Variants in SIX1 observed in about 807,000 individuals in gnomAD.
SIX1 encodes homeobox protein SIX1.
In SIX1, 11 loss-of-function variants were observed where a neutral mutation model predicts 26.5. The ratio of observed to expected loss-of-function variants is 0.41; its 90% CI spans 0.26 to 0.69. The LOEUF (loss-of-function observed/expected upper bound fraction) is 0.69. SIX1 is among the 30% of genes least tolerant of loss of function. The pLI is 0.28. For missense variants in SIX1, 333 were observed against 365.9 expected, an observed-to-expected ratio of 0.91 and a Z score of 0.73; for synonymous variants, 177 against 166.2, an observed-to-expected ratio of 1.06 and a Z score of -0.50.
Position 60,648,795 on chromosome 14 carries a change from T to C in SIX1, c.395A>G (p.Lys132Arg). 7 of 1,614,212 alleles carry C rather than the reference T, an allele frequency of 4.3e-6. No individual in the cohort carries two copies. The highest frequency in any genetic ancestry group is 5.9e-6 in the Non-Finnish European group (7 of 1,180,034). ...WDGEETSYCF[K>R]EKSRGVLREW... The stretch of plus-strand genomic sequence containing the variant: ...CCGCAGGACACCCCTCGACTTCTCC[T>C]TGAAGCAGTAGCTGGTCTCCTCGCC... Residue 132 changes from lysine to arginine, a missense_variant, in exon 1 of 2, where the codon AAG (lysine) becomes AGG (arginine). Transcript: ENST00000645694. The surrounding 1 kb of genome is among the most constrained non-coding windows in gnomAD (Gnocchi z 7.9).
Position 60,644,525 on chromosome 14 carries a change from G to A in SIX1, c.*1758C>T, listed in dbSNP as rs1894908116. The stretch of plus-strand genomic sequence containing the variant: ...AAAAATAAGGCCTTGATTTCCCCAA[G>A]CACACCTCAGTTTTCTAGACCAGAA... On this transcript the variant is annotated 3_prime_UTR_variant, in exon 2 of 2. Transcript: ENST00000645694. 2 of 152,086 alleles carry A rather than the reference G, an allele frequency of 1.3e-5. No individual in the cohort carries two copies. Among genetic ancestry groups the A allele is most frequent in the Admixed American group, 1.3e-4 (2 of 15,272 alleles). 9.4% of individuals were successfully genotyped at this position (152,086 alleles called of 1,614,324 possible).
chr14:60,649,106 C>T lies in SIX1; in HGVS notation c.84G>A (p.Glu28=). ...CEVLQQGGNL[E]RLGRFLWSLP... ...GTGACCACAGGAACCTGCCCAGGCG[C>T]TCCAGGTTTCCGCCTTGCTGCAGAA... Residue 28 remains glutamate, a synonymous_variant, in exon 1 of 2, where the codon GAG becomes GAA. Transcript: ENST00000645694. The surrounding 1 kb of genome is among the most constrained non-coding windows in gnomAD (Gnocchi z 5.1). 6.2e-7 allele frequency: 1 copy of T among 1,613,314 alleles called. No individual in the cohort carries two copies. Among genetic ancestry groups the T allele is most frequent in the Non-Finnish European group, 8.5e-7 (1 of 1,179,710 alleles).
chr14:60,648,538 C>T lies in SIX1; in HGVS notation c.560+92G>A. 1 of 1,335,330 alleles carries T rather than the reference C, an allele frequency of 7.5e-7. No individual in the cohort carries two copies. Among genetic ancestry groups the T allele is most frequent in the Non-Finnish European group, 1.0e-6 (1 of 962,506 alleles). The allele number at this position is 1,335,330 out of a possible 1,614,324, so 82.7% of individuals were successfully genotyped here. The stretch of plus-strand genomic sequence containing the variant: ...GACGGGCTCCGGCCGGCGGGGAGGA[C>T]TTGGTGGCTGGTGCCTGCGGGGGCG... On this transcript the variant is annotated intron_variant, in intron 1 of 1. Coordinates refer to ENST00000645694, the MANE Select transcript of SIX1 (RefSeq NM_005982.4). This position sits in a 1 kb window ranked among gnomAD's most constrained non-coding sequence, Gnocchi z 7.9.
rs1425419879 is a variant in SIX1, at chr14:60,648,037, C to T, written c.560+593G>A. ...TTGGGGCGCCGGGGAGTAAATGCAG[C>T]GCCAACTCTCCCCAAAGCTCTCTTT... On this transcript the variant is annotated intron_variant, in intron 1 of 1. Transcript: ENST00000645694. This position sits in a 1 kb window ranked among gnomAD's most constrained non-coding sequence, Gnocchi z 7.9. Among the ~76,000 whole-genome samples, 1 of 152,172 alleles carries T rather than the reference C, an allele frequency of 6.6e-6. No homozygotes were observed. The highest frequency in any genetic ancestry group is 1.5e-5 in the Non-Finnish European group (1 of 68,034).
At position 60,648,962 on chromosome 14, in the gene SIX1, C is replaced by T. The variant is rs753360604; in HGVS notation, c.228G>A (p.Ser76=). ...LYKILESHQF[S]PHNHPKLQQL... ...GCTGCAGTTTGGGGTGGTTGTGAGG[C>T]GAGAACTGGTGGCTCTCCAGGATCT... The change falls in exon 1 of 2, where the codon TCG becomes TCA. Residue 76 remains serine (S), a synonymous_variant. Coordinates refer to ENST00000645694, the MANE Select transcript of SIX1 (RefSeq NM_005982.4). The surrounding 1 kb of genome is among the most constrained non-coding windows in gnomAD (Gnocchi z 7.9). 4.2e-5 allele frequency: 68 copies of T among 1,614,066 alleles called. No individual in the cohort carries two copies. The highest frequency in any genetic ancestry group is 5.3e-5 in the Non-Finnish European group (63 of 1,180,042).
At chr14:60,646,607 T>TAAAAAAAAAAAAAAAAAAAAAATAGGTAA in intron 1 of SIX1, 30 bp from the exon 2 acceptor site, 1 of 831,216 alleles carries the variant, frequency 1.2e-6, no homozygotes, top group Non-Finnish European at 1.7e-6. Context: ...ACCATATGGT[T>TAAAAAAAAAAAAAAAAAAAAAATAGGTAA]AAAAAAAAAA....
chr14:60,646,117 G>T lies in SIX1; in HGVS notation c.*166C>A, dbSNP rs1391435674. 1.1e-5 allele frequency: 7 copies of T among 646,088 alleles called. No individual in the cohort carries two copies. The highest frequency in any genetic ancestry group is 1.8e-5 in the Non-Finnish European group (7 of 387,278). The allele number at this position is 646,088 out of a possible 1,614,324, so 40.0% of individuals were successfully genotyped here. On this transcript the variant is annotated 3_prime_UTR_variant, in exon 2 of 2. Coordinates refer to ENST00000645694, the MANE Select transcript of SIX1 (RefSeq NM_005982.4). ...GAGATTAAGCTTGAGATCGCTGTTG[G>T]TTTTGATTTTTAAAAAGATATTTGT... is the stretch of plus-strand genomic sequence containing the variant.
chr14:60,646,607 T>TAAAAAAA, intron 1 of SIX1, 30 bp from the exon 2 acceptor site: 4 of 831,212 alleles, frequency 4.8e-6, no homozygotes, highest in Non-Finnish European at 5.0e-6. Flanking sequence ...ACCATATGGT[T>TAAAAAAA]AAAAAAAAAA....
At position 60,648,785 on chromosome 14, in the gene SIX1, C is replaced by G. The variant is rs766151467; in HGVS notation, c.405G>C (p.Ser135=). Residue 135 remains serine, a synonymous_variant, in exon 1 of 2, where the codon TCG becomes TCC. Transcript: ENST00000645694. This position sits in a 1 kb window ranked among gnomAD's most constrained non-coding sequence, Gnocchi z 7.9. ...EETSYCFKEK[S]RGVLREWYAH... is the part of the protein sequence containing the mutation. ...CGTACCACTCCCGCAGGACACCCCT[C>G]GACTTCTCCTTGAAGCAGTAGCTGG... 3.1e-6 allele frequency: 5 copies of G among 1,614,226 alleles called. No individual in the cohort carries two copies. Among genetic ancestry groups the G allele is most frequent in the Non-Finnish European group, 4.2e-6 (5 of 1,180,032 alleles).
Position 60,646,111 on chromosome 14 carries a change from C to A in SIX1, c.*172G>T. On this transcript the variant is annotated 3_prime_UTR_variant, in exon 2 of 2. Coordinates refer to ENST00000645694, the MANE Select transcript of SIX1 (RefSeq NM_005982.4). The stretch of plus-strand genomic sequence containing the variant: ...GAAGAGGAGATTAAGCTTGAGATCG[C>A]TGTTGGTTTTGATTTTTAAAAAGAT... The A allele has an allele frequency of 3.3e-6, 2 of 605,666 alleles. No individual in the cohort carries two copies. The highest frequency in any genetic ancestry group is 5.7e-5 in the East Asian group (2 of 34,918). The allele number at this position is 605,666 out of a possible 1,614,324, so 37.5% of individuals were successfully genotyped here. A position where few individuals can be genotyped will look rare whatever the true frequency, so the allele number is the denominator to read the frequency against.
rs2140240190 is a variant in SIX1 at position 60,647,503 on chromosome 14, C to T, written c.561-926G>A. Among the ~76,000 whole-genome samples the T allele has an allele frequency of 6.6e-6, 1 of 152,340 alleles. No individual in the cohort carries two copies. Among genetic ancestry groups the T allele is most frequent in the African/African-American group, 2.4e-5 (1 of 41,584 alleles). ...CCGCTTCCGCCTTCCGAGTGCTCGTCAGTCCTCCCGACTCCTAGCGCCTGT... is the reference window on the plus strand; with the variant it reads ...CCGCTTCCGCCTTCCGAGTGCTCGTTAGTCCTCCCGACTCCTAGCGCCTGT... On this transcript the variant is annotated intron_variant, in intron 1 of 1. Transcript: ENST00000645694. This position sits in a 1 kb window ranked among gnomAD's most constrained non-coding sequence, Gnocchi z 5.1.
rs766975120 is a variant in SIX1, at chr14:60,646,412, C to G, written c.726G>C (p.Arg242Ser). The change falls in exon 2 of 2, where the codon AGG (arginine) becomes AGC (serine). Residue 242 changes from arginine to serine, a missense_variant. Transcript: ENST00000645694. ...AGCCCGGGAGAGAATAGTTTGAGCT[C>G]CTGGCGTGGCCCATATTGCCCTGCA... ...LLLQGNMGHARSSNYSLPGLT... is the reference protein window; with the variant it reads ...LLLQGNMGHASSSNYSLPGLT... The G allele has an allele frequency of 1.9e-6, 3 of 1,613,898 alleles. No individual in the cohort carries two copies.
At chr14:60,646,626 AAAAAG>A in intron 1 of SIX1, 49 bp from the exon 2 acceptor site, 1 of 1,436,222 alleles carries the variant, frequency 7.0e-7, no homozygotes, top group Non-Finnish European at 9.4e-7. Flanking sequence ...AAAAAAAAAA[AAAAAG>A]TAGGTTAAAA....
chr14:60,648,520 T>G lies in SIX1; in HGVS notation c.560+110A>C. 8.8e-7 allele frequency: 1 copy of G among 1,131,326 alleles called. No homozygotes were observed. Among genetic ancestry groups the G allele is most frequent in the Non-Finnish European group, 1.3e-6 (1 of 786,876 alleles). The allele number at this position is 1,131,326 out of a possible 1,614,324, so 70.1% of individuals were successfully genotyped here. ...CCTGCGCGCCGCCCCGTGGACGGGCTCCGGCCGGCGGGGAGGACTTGGTGG... is the reference window on the plus strand; with the variant it reads ...CCTGCGCGCCGCCCCGTGGACGGGCGCCGGCCGGCGGGGAGGACTTGGTGG... On this transcript the variant is annotated intron_variant, in intron 1 of 1. Coordinates refer to ENST00000645694, the MANE Select transcript of SIX1 (RefSeq NM_005982.4). The surrounding 1 kb of genome is among the most constrained non-coding windows in gnomAD (Gnocchi z 7.9).
At position 60,646,017 on chromosome 14, in the gene SIX1, G is replaced by T. The variant is rs1049363176; in HGVS notation, c.*266C>A. On this transcript the variant is annotated 3_prime_UTR_variant, in exon 2 of 2. Transcript: ENST00000645694. ...TGCCTGGGTGCTTTTGTTTGTTTGGGTTTTTTTTTTTTTTTTTCCCTGATC... is the reference window on the plus strand; with the variant it reads ...TGCCTGGGTGCTTTTGTTTGTTTGGTTTTTTTTTTTTTTTTTTCCCTGATC... The T allele has an allele frequency of 5.7e-5, 11 of 193,598 alleles. No homozygotes were observed. Among genetic ancestry groups the T allele is most frequent in the East Asian group, 1.0e-4 (1 of 9,536 alleles). 12.0% of individuals were successfully genotyped at this position (193,598 alleles called of 1,614,324 possible). A position where few individuals can be genotyped will look rare whatever the true frequency, so the allele number is the denominator to read the frequency against.
rs1894914749 is a variant in SIX1, at chr14:60,644,979, A to G, written c.*1304T>C. The G allele has an allele frequency of 6.6e-6, 1 of 152,230 alleles. No homozygotes were observed. Among genetic ancestry groups the G allele is most frequent in the South Asian group, 2.1e-4 (1 of 4,834 alleles). The allele number at this position is 152,230 out of a possible 1,614,324, so 9.4% of individuals were successfully genotyped here. Reference sequence around the variant, plus strand: ...TTATTTTTACTTTCACAGTCTTGTCATAAACTTGTTAACACAAAAGAGCTT... The same window carrying G: ...TTATTTTTACTTTCACAGTCTTGTCGTAAACTTGTTAACACAAAAGAGCTT... On this transcript the variant is annotated 3_prime_UTR_variant, in exon 2 of 2. Transcript: ENST00000645694.
In SIX1 at chr14:60,649,444, C is replaced by A. The variant is rs79926530; in HGVS notation, c.-255G>T. 1,962 of 425,258 alleles carry A rather than the reference C, an allele frequency of 4.6e-3. 39 individuals carry two copies. The highest frequency in any genetic ancestry group is 0.036 in the African/African-American group (1,720 of 48,280). 26.3% of individuals were successfully genotyped at this position (425,258 alleles called of 1,614,324 possible). A position where few individuals can be genotyped will look rare whatever the true frequency, so the allele number is the denominator to read the frequency against. On this transcript the variant is annotated 5_prime_UTR_variant, in exon 1 of 2. Transcript: ENST00000645694. This position sits in a 1 kb window ranked among gnomAD's most constrained non-coding sequence, Gnocchi z 5.1. ...TAAGGCCTTGCTGCCTCCGACCTCC[C>A]GCCCGGTGGATGCTGCTAGTTGCCG...
At position 60,646,166 on chromosome 14, in the gene SIX1, G is replaced by T. The variant is rs1023250770; in HGVS notation, c.*117C>A. On this transcript the variant is annotated 3_prime_UTR_variant, in exon 2 of 2. Transcript: ENST00000645694. ...GTGAAAGTCCACCATTCCTTTATGC[G>T]CAAACAACTCCAGAAACAAGCTGCA... 1.0e-6 allele frequency: 1 copy of T among 967,012 alleles called. No homozygotes were observed. Among genetic ancestry groups the T allele is most frequent in the Non-Finnish European group, 1.5e-6 (1 of 659,314 alleles). The allele number at this position is 967,012 out of a possible 1,614,324, so 59.9% of individuals were successfully genotyped here.
chr14:60,646,249 C>T lies in SIX1; in HGVS notation c.*34G>A. On this transcript the variant is annotated 3_prime_UTR_variant, in exon 2 of 2. Transcript: ENST00000645694. ...CTAGTCGCTGCAGTGGTTGCTGCTC[C>T]AGGAATCCCTTCGAGGCCCCAGTCC... 6.2e-7 allele frequency: 1 copy of T among 1,604,308 alleles called. No individual in the cohort carries two copies. Among genetic ancestry groups the T allele is most frequent in the Non-Finnish European group, 8.5e-7 (1 of 1,174,402 alleles).
Sources: allele counts gnomAD v4.1 joint callset (sites outside exome capture counted in the v4.1 genomes callset), GRCh38; gene constraint gnomAD v4.1.1; non-coding constraint Gnocchi (gnomAD v3.1); transcripts MANE v1.5; gene names NCBI Gene and HGNC (gene_info 2026-07-23, HGNC 2026-07-21).